The following SGK1 variants were observed in gnomAD, a reference collection of about 807,000 sequenced individuals.
The protein encoded by SGK1 is serum/glucocorticoid regulated kinase 1.
Under a neutral mutation model 64.2 loss-of-function variants are expected in SGK1, and 26 were observed. That is an observed-to-expected ratio of 0.40 (90% CI 0.30 to 0.56). The LOEUF (loss-of-function observed/expected upper bound fraction) is 0.56. Ranked by LOEUF, SGK1 falls within the 20% of genes least tolerant of loss-of-function variation. SGK1 has a pLI of 0.38. For synonymous variants in SGK1, 265 were observed against 239.7 expected (o/e 1.11, Z -0.98); for missense variants, 519 against 645.6 (o/e 0.80, Z 2.12).
chr6:134,249,625 T>G (rs1776576752), intron 2 of SGK1: 1 of 152,196 alleles, frequency 6.6e-6, no homozygotes, highest in Admixed American at 6.6e-5. Flanking sequence ...GCTTGGATTT[T>G]CCCCCTGTCC....
intron 1 of SGK1, among the ~76,000 whole-genome samples, chr6:134,299,925 T>C (rs2114790454): frequency 6.6e-6 from 1 of 152,006 alleles, no homozygotes; most frequent in East Asian, 1.9e-4. Context: ...AATAAAATGC[T>C]TTTTTAATTC....
At chr6:134,293,616 C>A (rs1309210650) in intron 1 of SGK1, among the ~76,000 whole-genome samples, 2 of 152,072 alleles carry the variant, frequency 1.3e-5, no homozygotes, top group African/African-American at 4.8e-5. Flanking sequence ...TAAAAGGAAG[C>A]AGACTTGGAA....
chr6:134,228,715 G>C (rs1294786663), intron 2 of SGK1, among the ~76,000 whole-genome samples: 1 of 152,164 alleles, frequency 6.6e-6, no homozygotes, highest in African/African-American at 2.4e-5. Context: ...GGCAGAAGTG[G>C]ATCCTATGTA....
chr6:134,170,875 C>A lies in SGK1; in HGVS notation c.1364G>T (p.Trp455Leu). Residue 455 changes from tryptophan (W) to leucine (L), a missense_variant, in exon 13 of 14, where the codon TGG (tryptophan) becomes TTG (leucine). By Grantham distance (61) the Trp-to-Leu change is moderately conservative (BLOSUM62 -2). Coordinates refer to ENST00000367858, the MANE Select transcript of SGK1 (RefSeq NM_001143676.3). ...AATCTTCTTATTAATGAGATCATCC[C>A]AGTTAATTAAGGAGAAGAAGACATG... ...KSHVFFSLINWDDLINKKITP... is the reference protein window; with the variant it reads ...KSHVFFSLINLDDLINKKITP... 6.2e-7 allele frequency: 1 copy of A among 1,611,986 alleles called. No individual in the cohort carries two copies. The highest frequency in any genetic ancestry group is 8.5e-7 in the Non-Finnish European group (1 of 1,178,144).
intron 2 of SGK1, among the ~76,000 whole-genome samples, chr6:134,244,216 T>G (rs1776490554): frequency 6.7e-6 from 1 of 149,206 alleles, no homozygotes; most frequent in African/African-American, 2.4e-5. Flanking sequence ...AGTGAGAACA[T>G]GCAGTGTTTG....
Position 134,173,257 on chromosome 6 carries a change from T to C in SGK1, c.702+17A>G. ...GTGTCTACCGCCAATGCCAGCCCCA[T>C]CAAGCACATCTCATACCTCTTTCTT... is the stretch of plus-strand genomic sequence containing the variant. On this transcript the variant is annotated intron_variant, in intron 7 of 13. Coordinates refer to ENST00000367858, the MANE Select transcript of SGK1 (RefSeq NM_001143676.3). 6.2e-7 allele frequency: 1 copy of C among 1,611,374 alleles called. No individual in the cohort carries two copies. Among genetic ancestry groups the C allele is most frequent in the Non-Finnish European group, 8.5e-7 (1 of 1,177,528 alleles).
rs192590772 is a variant in SGK1, at chr6:134,299,154, C to T, written c.69+18238G>A. 1.1e-4 allele frequency among the ~76,000 whole-genome samples: 16 copies of T among 150,352 alleles called. No individual in the cohort carries two copies. The Admixed American group carries it at 1.1e-3, about 10-fold the overall frequency. ...AAGCAATCTGTGCAATTCACAGTAG[C>T]TGGCAGCCAGGATAACCCAGGGAAA... is the stretch of plus-strand genomic sequence containing the variant. On this transcript the variant is annotated intron_variant, in intron 1 of 13. Transcript: ENST00000367858.
At chr6:134,223,299 T>C (rs1743950) in intron 2 of SGK1, among the ~76,000 whole-genome samples, 136,125 of 150,922 alleles carry the variant, frequency 0.9, 61,797 homozygotes, top group East Asian at 1. Context: ...ACCCGGGAGG[T>C]GGAGGTTGCG....
intron 2 of SGK1, among the ~76,000 whole-genome samples, chr6:134,234,273 T>G (rs78948545): frequency 0.082 from 12,471 of 151,826 alleles, 850 homozygotes; most frequent in East Asian, 0.27. Context: ...TGTGGTGGCA[T>G]GTGCCTGTAA....
At chr6:134,211,038 T>A (rs537862021) in intron 2 of SGK1, among the ~76,000 whole-genome samples, 1 of 149,162 alleles carries the variant, frequency 6.7e-6, no homozygotes, top group Non-Finnish European at 1.5e-5. Flanking sequence ...GGCAGGAGAA[T>A]CGCTTGAACC....
rs111539872 is a variant in SGK1 at position 134,242,378 on chromosome 6, C to T, written c.285+19555G>A. 1.2e-3 allele frequency among the ~76,000 whole-genome samples: 175 copies of T among 151,992 alleles called. 1 individual carries two copies. Among genetic ancestry groups the T allele is most frequent in the Non-Finnish European group, 1.0e-4 (7 of 68,002 alleles). ...GCACGTGCCTGTAATCCCAGCTACT[C>T]GGGAGGTTCAGGAAGGAGAATCGCT... On this transcript the variant is annotated intron_variant, in intron 2 of 13. Transcript: ENST00000367858.
At chr6:134,238,961 T>C (rs960335907) in intron 2 of SGK1, among the ~76,000 whole-genome samples, 1 of 152,220 alleles carries the variant, frequency 6.6e-6, no homozygotes, top group Non-Finnish European at 1.5e-5. Flanking sequence ...GTAAATATTC[T>C]AAAATACTTC....
chr6:134,179,036 G>A (rs529419242), intron 3 of SGK1, among the ~76,000 whole-genome samples: 9 of 151,826 alleles, frequency 5.9e-5, no homozygotes, highest in Non-Finnish European at 1.2e-4. Flanking sequence ...GACTATAAAT[G>A]CTAAAACCTG....
chr6:134,174,839 G>A lies in SGK1; in HGVS notation c.362-253C>T, dbSNP rs560515744. On this transcript the variant is annotated intron_variant, in intron 3 of 13. Transcript: ENST00000367858. ...CGCGGGGAGACAGAAAGACGTTAGC[G>A]CTCAAAGACCGGCTCGGCGTATGCT... 8.7e-5 allele frequency: 141 copies of A among 1,613,514 alleles called. 1 individual carries two copies. The highest frequency in any genetic ancestry group is 6.3e-4 in the South Asian group (57 of 91,060).
At chr6:134,237,351 C>G (rs1417793387) in intron 2 of SGK1, among the ~76,000 whole-genome samples, 1 of 151,924 alleles carries the variant, frequency 6.6e-6, no homozygotes, top group Admixed American at 6.6e-5. Flanking sequence ...GCCACTGTGC[C>G]TGGCCTGAAA....
chr6:134,272,307 ATTTTT>A (rs527544494), intron 1 of SGK1, among the ~76,000 whole-genome samples: 3 of 119,440 alleles, frequency 2.5e-5, no homozygotes, highest in African/African-American at 3.0e-5. Context: ...TGACCAGCTA[ATTTTT>A]TTTTTTTTTT....
At chr6:134,220,439 C>T (rs562001219) in intron 2 of SGK1, among the ~76,000 whole-genome samples, 1 of 152,248 alleles carries the variant, frequency 6.6e-6, no homozygotes, top group East Asian at 1.9e-4. Flanking sequence ...AGAGAGGCCT[C>T]CTTGCATTTA....
intron 2 of SGK1, among the ~76,000 whole-genome samples, chr6:134,222,942 A>G (rs1299258479): frequency 7.9e-5 from 12 of 152,194 alleles, no homozygotes; most frequent in Admixed American, 5.2e-4. Context: ...TGTATTTTCA[A>G]GCTCCCCAGG....
Position 134,245,575 on chromosome 6 carries a change from C to T in SGK1, c.285+16358G>A, listed in dbSNP as rs570730973. On this transcript the variant is annotated intron_variant, in intron 2 of 13. Transcript: ENST00000367858. ...TTAGCTAAAGAAATATGAAAATGGG[C>T]TGGGCATGGTGGCTAATGCCTGTTA... Among the ~76,000 whole-genome samples the T allele has an allele frequency of 2.8e-4, 43 of 152,322 alleles. 1 individual carries two copies. In the South Asian group the frequency reaches 8.3e-3, roughly 29 times the overall value.
Sources: gnomAD v4.1 joint callset for allele counts (sites outside exome capture counted in the v4.1 genomes callset) on GRCh38, gnomAD v4.1.1 for gene constraint, MANE v1.5 for transcripts, NCBI Gene and HGNC (gene_info 2026-07-23, HGNC 2026-07-21) for gene names.